The following MPPED2 variants were observed in gnomAD, a reference collection of about 807,000 sequenced individuals.
MPPED2 encodes metallophosphoesterase domain containing 2.
Under a neutral mutation model 33.0 loss-of-function variants are expected in MPPED2, and 5 were observed. That is an observed-to-expected ratio of 0.15 (90% CI 0.08 to 0.32). The LOEUF (loss-of-function observed/expected upper bound fraction) is 0.32, where lower values mean the gene tolerates loss of function less well. Among genes scored for constraint, MPPED2 ranks in the 10% least tolerant of loss-of-function variants. The pLI is 1.00. For synonymous variants in MPPED2, 136 were observed against 141.9 expected (o/e 0.96, Z 0.29); for missense variants, 275 against 372.1 (o/e 0.74, Z 2.15).
chr11:30,583,702 C>T (rs1957302963), intron 1 of MPPED2, among the ~76,000 whole-genome samples: 1 of 152,162 alleles, frequency 6.6e-6, no homozygotes, highest in Non-Finnish European at 1.5e-5. Context: ...ACTGTCTCCA[C>T]CTCCTAGACA....
intron 4 of MPPED2, among the ~76,000 whole-genome samples, chr11:30,454,689 G>A (rs750703941): frequency 1.3e-5 from 2 of 152,158 alleles, no homozygotes; most frequent in African/African-American, 2.4e-5. Flanking sequence ...ATAGAATGGT[G>A]TGTGAATATA....
intron 6 of MPPED2, chr11:30,388,975 AAG>A (rs1261647507): frequency 6.4e-7 from 1 of 1,551,072 alleles, no homozygotes; most frequent in Non-Finnish European, 8.7e-7. Flanking sequence ...GAGAGAGAGA[AAG>A]AGAGAGGGAG....
At chr11:30,499,475 C>T (rs536193901) in intron 3 of MPPED2, among the ~76,000 whole-genome samples, 2 of 152,302 alleles carry the variant, frequency 1.3e-5, no homozygotes, top group South Asian at 4.1e-4. Context: ...TTTGGATTCT[C>T]ATAGTAGGGA....
chr11:30,493,347 G>A (rs1401062040), intron 4 of MPPED2, among the ~76,000 whole-genome samples: 3 of 150,486 alleles, frequency 2.0e-5, no homozygotes, highest in African/African-American at 4.9e-5. Context: ...CTCCCGCCTG[G>A]GCGACAGAAC....
intron 2 of MPPED2, among the ~76,000 whole-genome samples, chr11:30,575,259 T>C (rs1956877083): frequency 6.6e-6 from 1 of 152,188 alleles, no homozygotes; most frequent in Admixed American, 6.5e-5. Context: ...TATAGCCAAG[T>C]AGTTTAGAAA....
chr11:30,560,919 A>G (rs1333971024), intron 2 of MPPED2, among the ~76,000 whole-genome samples: 1 of 152,212 alleles, frequency 6.6e-6, no homozygotes, highest in Non-Finnish European at 1.5e-5. Context: ...AAGAAAAATG[A>G]TGTTAACGTG....
At chr11:30,569,912 C>T (rs1444561481) in intron 2 of MPPED2, among the ~76,000 whole-genome samples, 1 of 152,126 alleles carries the variant, frequency 6.6e-6, no homozygotes, top group African/African-American at 2.4e-5. Context: ...GTGCTAAAGT[C>T]AAGCCCAAGG....
At chr11:30,442,081 C>A (rs1227715901) in intron 4 of MPPED2, among the ~76,000 whole-genome samples, 1 of 152,134 alleles carries the variant, frequency 6.6e-6, no homozygotes, top group Non-Finnish European at 1.5e-5. Context: ...CTTTTCAAGA[C>A]ACATCGTTTA....
At chr11:30,438,448 C>G (rs1317308527) in intron 4 of MPPED2, among the ~76,000 whole-genome samples, 1 of 152,062 alleles carries the variant, frequency 6.6e-6, no homozygotes, top group African/African-American at 2.4e-5. Flanking sequence ...AGTGGCTGAG[C>G]TAGGTTTTGG....
At chr11:30,495,249 T>C (rs772642891) in intron 4 of MPPED2, 47 bp downstream of exon 4, 1 of 1,299,734 alleles carries the variant, frequency 7.7e-7, no homozygotes, top group Admixed American at 1.7e-5. Context: ...GTTTTCTTGG[T>C]ACTGAGCTAA....
chr11:30,428,068 G>A (rs1034549081), intron 4 of MPPED2, among the ~76,000 whole-genome samples: 11 of 152,124 alleles, frequency 7.2e-5, no homozygotes, highest in Non-Finnish European at 2.9e-5. Context: ...TGCTCAGGAA[G>A]CTGACATACG....
rs543483125 is a variant in MPPED2 at position 30,507,487 on chromosome 11, C to G, written c.311-11966G>C. ...AGCTGCATAGAGCAAAATTTAGGAGCCAGTAAAATTGATTCTTCCCATTTT... is the reference window on the plus strand; with the variant it reads ...AGCTGCATAGAGCAAAATTTAGGAGGCAGTAAAATTGATTCTTCCCATTTT... On this transcript the variant is annotated intron_variant, in intron 3 of 6. Coordinates refer to ENST00000358117, the MANE Select transcript of MPPED2 (RefSeq NM_001584.3). Among the ~76,000 whole-genome samples the G allele has an allele frequency of 1.3e-4, 20 of 152,224 alleles. No individual in the cohort carries two copies. The East Asian group carries it at 3.5e-3, about 26-fold the overall frequency.
At chr11:30,384,897 A>G (rs781600763) in exon 7 of MPPED2, 2 of 152,224 alleles carry the variant, frequency 1.3e-5, no homozygotes, top group Admixed American at 1.3e-4. Flanking sequence ...ACCTTTCTTG[A>G]TTGCTAATTC....
At chr11:30,525,641 A>G (rs1045676168) in intron 3 of MPPED2, among the ~76,000 whole-genome samples, 9 of 152,192 alleles carry the variant, frequency 5.9e-5, no homozygotes, top group African/African-American at 2.2e-4. Flanking sequence ...TTCAGCTCTA[A>G]TGGTGGCTCC....
At chr11:30,578,466 A>G (rs1342758109) in intron 2 of MPPED2, among the ~76,000 whole-genome samples, 1 of 152,216 alleles carries the variant, frequency 6.6e-6, no homozygotes, top group East Asian at 1.9e-4. Flanking sequence ...TGATCCTTCA[A>G]ATTTGTTATG....
chr11:30,456,031 T>C (rs1416334011), intron 4 of MPPED2, among the ~76,000 whole-genome samples: 1 of 152,252 alleles, frequency 6.6e-6, no homozygotes, highest in Admixed American at 6.5e-5. Context: ...GCATACTTTC[T>C]AAGAATTTCA....
intron 4 of MPPED2, among the ~76,000 whole-genome samples, chr11:30,457,894 A>G (rs1950348186): frequency 6.6e-6 from 1 of 152,206 alleles, no homozygotes; most frequent in Non-Finnish European, 1.5e-5. Context: ...ACACATATGA[A>G]TCAATCCTAA....
intron 4 of MPPED2, among the ~76,000 whole-genome samples, chr11:30,472,003 A>G (rs914760956): frequency 7.1e-6 from 1 of 141,658 alleles, no homozygotes; most frequent in Non-Finnish European, 1.6e-5. Context: ...GATTCTTGTC[A>G]ATCCCAGCTA....
chr11:30,405,243 C>A (rs1590163091), downstream of MPPED2, among the ~76,000 whole-genome samples: 1 of 152,316 alleles, frequency 6.6e-6, no homozygotes, highest in East Asian at 1.9e-4. Context: ...CTGAAAAGCT[C>A]AACCTATTCC....
Sources: allele counts gnomAD v4.1 joint callset (sites outside exome capture counted in the v4.1 genomes callset), GRCh38; gene constraint gnomAD v4.1.1; transcripts MANE v1.5; gene names NCBI Gene and HGNC (gene_info 2026-07-23, HGNC 2026-07-21).